LYPD8: variants seen among roughly 807,000 people sequenced by gnomAD.
The protein encoded by LYPD8 is ly6/PLAUR domain-containing protein 8.
LYPD8 carries 8 observed loss-of-function variants against 1.7 expected under a neutral mutation model. The observed-to-expected ratio is 4.58, with a 90% CI of 2.69 to 8.27. The LOEUF is 8.27. Ranked by LOEUF, LYPD8 falls within the 30% of genes most tolerant of loss-of-function variation. LYPD8 has a pLI of 0.00. For missense variants in LYPD8, 112 were observed against 102.3 expected (o/e 1.09, Z -0.41); for synonymous variants, 50 against 43.6 (o/e 1.15, Z -0.58).
intron 4 of LYPD8, among the ~76,000 whole-genome samples, chr1:248,749,528 C>G (rs2103170900): frequency 6.6e-6 from 1 of 152,284 alleles, no homozygotes; most frequent in African/African-American, 2.4e-5. Flanking sequence ...CTGGTGAAGA[C>G]TTTCTTCTGC....
At chr1:248,750,667 C>T in intron 3 of LYPD8, 24 bp from the exon 4 acceptor site, 1 of 398,568 alleles carries the variant, frequency 2.5e-6, no homozygotes, top group Non-Finnish European at 4.4e-6. Flanking sequence ...ACATCCAACA[C>T]CAGTCAACAT....
intron 5 of LYPD8, 129 bp from the exon 6 acceptor site, chr1:248,745,408 T>A (rs1662713528): frequency 2.5e-6 from 1 of 394,128 alleles, no homozygotes; most frequent in Admixed American, 4.4e-5. Flanking sequence ...GAATCTCAGA[T>A]CTAGCCTTGA....
intron 6 of LYPD8, among the ~76,000 whole-genome samples, chr1:248,741,337 G>C (rs139318671): frequency 1.3e-5 from 2 of 152,310 alleles, no homozygotes; most frequent in East Asian, 3.9e-4. Flanking sequence ...CCCCTGAGTA[G>C]TACGGACTAC....
chr1:248,753,732 A>G (rs1662876551), intron 2 of LYPD8, among the ~76,000 whole-genome samples: 1 of 148,076 alleles, frequency 6.8e-6, no homozygotes, highest in African/African-American at 2.5e-5. Context: ...CACACCACAC[A>G]CACCACAGCC....
At chr1:248,752,568 A>G (rs1334575427) in intron 2 of LYPD8, among the ~76,000 whole-genome samples, 2 of 133,148 alleles carry the variant, frequency 1.5e-5, no homozygotes, top group Admixed American at 7.6e-5. Context: ...CCACATCATG[A>G]ACACACACAT....
At chr1:248,744,794 G>C (rs1662702268) in intron 6 of LYPD8, among the ~76,000 whole-genome samples, 1 of 149,776 alleles carries the variant, frequency 6.7e-6, no homozygotes, top group Non-Finnish European at 1.5e-5. Context: ...GATATAAAAG[G>C]AAATAAAAGT....
At chr1:248,745,384 A>T (rs1436473363) in intron 5 of LYPD8, 105 bp from the exon 6 acceptor site, 2 of 395,260 alleles carry the variant, frequency 5.1e-6, no homozygotes, top group Non-Finnish European at 8.9e-6. Context: ...AGAACGGAGC[A>T]ATGACATCCT....
intron 6 of LYPD8, among the ~76,000 whole-genome samples, chr1:248,743,046 G>A: frequency 6.6e-6 from 1 of 151,624 alleles, no homozygotes; most frequent in African/African-American, 2.4e-5. Flanking sequence ...GCTCTGGTGG[G>A]GATGTTGGCA....
At chr1:248,745,004 A>T (rs1662705980) in intron 6 of LYPD8, 138 bp downstream of exon 6, 1 of 389,526 alleles carries the variant, frequency 2.6e-6, no homozygotes, top group Non-Finnish European at 4.5e-6. Flanking sequence ...CAGCCACTGT[A>T]TTTAAAGACA....
intron 2 of LYPD8, among the ~76,000 whole-genome samples, chr1:248,751,366 C>T (rs1396908715): frequency 6.6e-6 from 1 of 152,150 alleles, no homozygotes; most frequent in Non-Finnish European, 1.5e-5. Context: ...CAGCCAGGGG[C>T]CATTTCCCGT....
At position 248,739,829 on chromosome 1, in the gene LYPD8, C is replaced by G; in HGVS notation, c.496G>C (p.Val166Leu). ...LKNDIESKSL[V>L]LKGCSNVSNA... is the part of the protein sequence containing the mutation. ...CTGACGTTGGAACAGCCTTTCAGCA[C>G]GAGACTCTTAGACTCAATGTCTGTG... is the stretch of plus-strand genomic sequence containing the variant. Residue 166 changes from valine to leucine, a missense_variant, in exon 7 of 7, where the codon GTG (valine) becomes CTG (leucine). Val to Leu is a conservative substitution (Grantham distance 32). Transcript: ENST00000590317. The surrounding 1 kb of genome is among the most constrained non-coding windows in gnomAD (Gnocchi z 4.3). The G allele has an allele frequency of 1.3e-6, 2 of 1,551,720 alleles. No individual in the cohort carries two copies. The highest frequency in any genetic ancestry group is 1.7e-6 in the Non-Finnish European group (2 of 1,146,988).
At chr1:248,748,778 A>T (rs1260414285) in intron 4 of LYPD8, among the ~76,000 whole-genome samples, 12 of 152,218 alleles carry the variant, frequency 7.9e-5, no homozygotes, top group African/African-American at 2.9e-4. Context: ...GATCAAACAG[A>T]CATGACGAGC....
At chr1:248,751,238 A>G (rs1338287391) in intron 2 of LYPD8, 108 bp from the exon 3 acceptor site, 3 of 395,546 alleles carry the variant, frequency 7.6e-6, no homozygotes, top group African/African-American at 2.1e-5. Context: ...CATCCTTGTG[A>G]CAGAAAGAAT....
intron 6 of LYPD8, among the ~76,000 whole-genome samples, chr1:248,742,634 G>GT (rs1445641830): frequency 2.5e-5 from 2 of 81,628 alleles, no homozygotes; most frequent in Non-Finnish European, 2.3e-5. Context: ...GATGTTGGCA[G>GT]CGGGGGAGAT....
At chr1:248,746,313 C>G (rs1057261304) in intron 5 of LYPD8, among the ~76,000 whole-genome samples, 144,185 of 152,252 alleles carry the variant, frequency 0.95, 68,758 homozygotes, top group East Asian at 1. Context: ...AACTACTGAC[C>G]GGAACTAAAG....
chr1:248,752,769 CCCACACA>C (rs1662828276), intron 2 of LYPD8, among the ~76,000 whole-genome samples: 1 of 119,142 alleles, frequency 8.4e-6, no homozygotes, highest in Non-Finnish European at 1.7e-5. Flanking sequence ...CACCACACAC[CCCACACA>C]ACACACACCA....
chr1:248,750,730 C>G (rs1355852633), intron 3 of LYPD8, 87 bp from the exon 4 acceptor site: 7 of 398,124 alleles, frequency 1.8e-5, no homozygotes, highest in African/African-American at 1.4e-4. Context: ...CTGCTCCCAC[C>G]TTGCAGTAAA....
intron 6 of LYPD8, among the ~76,000 whole-genome samples, chr1:248,744,572 AGCGTCAAATGTGGATCTCACAATGG>A (rs1553283975): frequency 1.1e-4 from 16 of 151,910 alleles, no homozygotes; most frequent in African/African-American, 3.9e-4. Context: ...CACAATGGGT[AGCGTCAAATGTGGATCTCACAATGG>A]GTAGCGTCAA....
At chr1:248,751,881 A>G (rs1309739484) in intron 2 of LYPD8, among the ~76,000 whole-genome samples, 3 of 152,098 alleles carry the variant, frequency 2.0e-5, no homozygotes, top group Non-Finnish European at 4.4e-5. Flanking sequence ...GCGTGTCACC[A>G]ATGTCTCTGC....
Sources: allele counts gnomAD v4.1 joint callset (sites outside exome capture counted in the v4.1 genomes callset), GRCh38; gene constraint gnomAD v4.1.1; non-coding constraint Gnocchi (gnomAD v3.1); transcripts MANE v1.5; gene names NCBI Gene and HGNC (gene_info 2026-07-23, HGNC 2026-07-21).